Variants in GIPC2 observed in about 807,000 individuals in gnomAD.
GIPC2 encodes the protein GIPC PDZ domain containing family member 2, also known as PDZ domain-containing protein GIPC2.
GIPC2 carries 30 observed loss-of-function variants against 30.6 expected under a neutral mutation model. The observed-to-expected ratio is 0.98, with a 90% CI of 0.73 to 1.33. The LOEUF (loss-of-function observed/expected upper bound fraction) is 1.33. GIPC2 is among the 40% of genes most tolerant of loss of function. The pLI is 0.00. For synonymous variants in GIPC2, 167 were observed against 150.0 expected (o/e 1.11, Z -0.83); for missense variants, 414 against 390.3 (o/e 1.06, Z -0.51).
chr1:78,098,843 A>G (rs1662188721), intron 3 of GIPC2, among the ~76,000 whole-genome samples: 1 of 152,186 alleles, frequency 6.6e-6, no homozygotes, highest in Non-Finnish European at 1.5e-5. Context: ...ATAACTATCT[A>G]TCTGTAAGTC....
intron 3 of GIPC2, among the ~76,000 whole-genome samples, chr1:78,108,182 A>C (rs1662396222): frequency 6.6e-6 from 1 of 152,228 alleles, no homozygotes; most frequent in South Asian, 2.1e-4. Flanking sequence ...TATTTTAGCT[A>C]TCATTCTTTG....
intron 3 of GIPC2, among the ~76,000 whole-genome samples, chr1:78,119,098 T>A (rs1257788403): frequency 1.3e-5 from 2 of 152,170 alleles, no homozygotes; most frequent in African/African-American, 4.8e-5. Flanking sequence ...TCCTCTTTAC[T>A]CTTTTTGTAG....
intron 1 of GIPC2, among the ~76,000 whole-genome samples, chr1:78,078,995 A>T (rs1661774352): frequency 6.6e-6 from 1 of 152,170 alleles, no homozygotes; most frequent in Admixed American, 6.5e-5. Flanking sequence ...CAGCAAACTA[A>T]TATGCCATTG....
intron 1 of GIPC2, among the ~76,000 whole-genome samples, chr1:78,049,744 G>A (rs1442280869): frequency 1.3e-5 from 2 of 152,164 alleles, no homozygotes; most frequent in Non-Finnish European, 2.9e-5. Flanking sequence ...TTACAATTTA[G>A]TGAAGTGAGA....
At chr1:78,097,019 A>C (rs994047925) in intron 3 of GIPC2, among the ~76,000 whole-genome samples, 3 of 152,008 alleles carry the variant, frequency 2.0e-5, no homozygotes, top group African/African-American at 7.3e-5. Flanking sequence ...TCCAGCCCTG[A>C]ATTTTTCTGC....
At chr1:78,073,020 A>G (rs916983328) in intron 1 of GIPC2, among the ~76,000 whole-genome samples, 1 of 150,688 alleles carries the variant, frequency 6.6e-6, no homozygotes, top group African/African-American at 2.4e-5. Flanking sequence ...TGTATTAGCC[A>G]GGATGGTCTC....
At chr1:78,060,158 T>A (rs919762125) in intron 1 of GIPC2, among the ~76,000 whole-genome samples, 1 of 152,104 alleles carries the variant, frequency 6.6e-6, no homozygotes, top group East Asian at 1.9e-4. Flanking sequence ...TAAGATCTAT[T>A]CCTAATCTAA....
chr1:78,123,007 C>T (rs1662711997), intron 4 of GIPC2, among the ~76,000 whole-genome samples: 1 of 151,998 alleles, frequency 6.6e-6, no homozygotes, highest in Non-Finnish European at 1.5e-5. Flanking sequence ...CGCCTGTAAT[C>T]CCAGAACTTT....
rs551916775 is a variant in GIPC2, at chr1:78,099,689, C to T, written c.607+4557C>T. ...TCCTGACCTCGTGATCTGCCCACCT[C>T]GGCCTCCCAAAGTGCTAGGATTACA... On this transcript the variant is annotated intron_variant, in intron 3 of 5. Coordinates refer to ENST00000370759, the MANE Select transcript of GIPC2 (RefSeq NM_017655.6). Among the ~76,000 whole-genome samples, 380 of 152,104 alleles carry T rather than the reference C, an allele frequency of 2.5e-3. 7 individuals are homozygous for T. Among genetic ancestry groups the T allele is most frequent in the African/African-American group, 8.7e-3 (362 of 41,436 alleles).
chr1:78,110,659 T>G (rs1317860453), intron 3 of GIPC2, among the ~76,000 whole-genome samples: 1 of 152,216 alleles, frequency 6.6e-6, no homozygotes, highest in African/African-American at 2.4e-5. Context: ...ATGTAACCTC[T>G]CCATTCATCG....
At chr1:78,050,656 C>T (rs1259776743) in intron 1 of GIPC2, among the ~76,000 whole-genome samples, 16 of 147,010 alleles carry the variant, frequency 1.1e-4, no homozygotes, top group African/African-American at 2.0e-4. Context: ...TTTTTTGTGA[C>T]GGGAGTCTCG....
chr1:78,125,230 G>C (rs1163625873), intron 4 of GIPC2, among the ~76,000 whole-genome samples: 2 of 152,092 alleles, frequency 1.3e-5, no homozygotes, highest in Admixed American at 6.5e-5. Context: ...AGTAGAGATA[G>C]AATCTTGCCA....
At chr1:78,046,794 AT>A (rs921771233) in intron 1 of GIPC2, among the ~76,000 whole-genome samples, 4 of 150,646 alleles carry the variant, frequency 2.7e-5, no homozygotes, top group African/African-American at 9.8e-5. Context: ...GAAAAAAAAA[AT>A]AGAAGTGCCT....
intron 5 of GIPC2, among the ~76,000 whole-genome samples, chr1:78,131,146 TTTTC>T (rs143150594): frequency 0.23 from 35,219 of 150,832 alleles, 4,704 homozygotes; most frequent in East Asian, 0.73. Context: ...AAATCTATTT[TTTTC>T]TTTTTTTCTC....
intron 2 of GIPC2, among the ~76,000 whole-genome samples, chr1:78,087,529 G>C (rs1328465752): frequency 6.6e-6 from 1 of 152,078 alleles, no homozygotes; most frequent in Non-Finnish European, 1.5e-5. Flanking sequence ...TGCTGGGATA[G>C]CCATATGCAG....
intron 1 of GIPC2, among the ~76,000 whole-genome samples, chr1:78,055,616 C>A (rs182791314): frequency 6.6e-6 from 1 of 152,274 alleles, no homozygotes; most frequent in East Asian, 1.9e-4. Context: ...ATTACCTCAC[C>A]CCACTGTGTC....
intron 1 of GIPC2, among the ~76,000 whole-genome samples, chr1:78,066,061 A>T (rs192881151): frequency 1.3e-5 from 2 of 152,326 alleles, no homozygotes. Context: ...AATTAAGCTA[A>T]AAAGCTTCTG....
intron 3 of GIPC2, among the ~76,000 whole-genome samples, chr1:78,107,466 T>C (rs1447213847): frequency 6.6e-6 from 1 of 152,116 alleles, no homozygotes; most frequent in Non-Finnish European, 1.5e-5. Context: ...TTTAGGCTTA[T>C]ATTTTCCACA....
In GIPC2 at chr1:78,078,187, C is replaced by CAAA. The variant is rs10694093; in HGVS notation, c.241-2467_241-2465dup. Among the ~76,000 whole-genome samples, 161 of 64,760 alleles carry CAAA rather than the reference C, an allele frequency of 2.5e-3. 1 individual carries two copies. The highest frequency in any genetic ancestry group is 3.1e-3 in the African/African-American group (46 of 14,808). 42.5% of individuals were successfully genotyped at this position (64,760 alleles called of 152,430 possible). ...TGGGCGACAGAGCGAGACTCCATCT[C>CAAA]AAAAAAAAAAAAAAAAAAAAAAACC... On this transcript the variant is annotated intron_variant, in intron 1 of 5. Transcript: ENST00000370759.
Sources: allele counts gnomAD v4.1 joint callset (sites outside exome capture counted in the v4.1 genomes callset), GRCh38; gene constraint gnomAD v4.1.1; transcripts MANE v1.5; gene names NCBI Gene and HGNC (gene_info 2026-07-23, HGNC 2026-07-21).